Variants in AUTS2 observed in about 807,000 individuals in gnomAD.
The protein encoded by AUTS2 is autism susceptibility gene 2 protein.
AUTS2 carries 17 observed loss-of-function variants against 112.4 expected under a neutral mutation model. The ratio of observed to expected loss-of-function variants is 0.15; its 90% CI spans 0.10 to 0.23. The LOEUF (loss-of-function observed/expected upper bound fraction) is 0.23, where lower values mean the gene tolerates loss of function less well. Ranked by LOEUF, AUTS2 falls within the 10% of genes least tolerant of loss-of-function variation. AUTS2 has a pLI of 1.00. For synonymous variants in AUTS2, 751 were observed against 702.7 expected (o/e 1.07, Z -1.09); for missense variants, 1,510 against 1,701.6 (o/e 0.89, Z 1.98).
chr7:69,794,769 T>C (rs1428681996), intron 1 of AUTS2, among the ~76,000 whole-genome samples: 1 of 152,084 alleles, frequency 6.6e-6, no homozygotes, highest in Non-Finnish European at 1.5e-5. Context: ...ACGGTCAGTG[T>C]TATCAAGGTT....
chr7:69,695,248 G>C (rs566349033), intron 1 of AUTS2, among the ~76,000 whole-genome samples: 2 of 152,068 alleles, frequency 1.3e-5, no homozygotes, highest in African/African-American at 4.8e-5. Flanking sequence ...AGGATAGCTC[G>C]AGCCCCAGAG....
chr7:70,331,136 T>G (rs1359467015), intron 4 of AUTS2, among the ~76,000 whole-genome samples: 1 of 152,136 alleles, frequency 6.6e-6, no homozygotes, highest in Non-Finnish European at 1.5e-5. Context: ...CCAGCTCCTC[T>G]TTGTACCTCT....
intron 14 of AUTS2, among the ~76,000 whole-genome samples, chr7:70,780,995 C>T (rs998980487): frequency 6.6e-6 from 1 of 152,102 alleles, no homozygotes; most frequent in Non-Finnish European, 1.5e-5. Flanking sequence ...CAGCAAAACA[C>T]TGAACTACTT....
chr7:70,760,285 G>C (rs376002499), intron 6 of AUTS2, among the ~76,000 whole-genome samples: 1 of 152,202 alleles, frequency 6.6e-6, no homozygotes, highest in East Asian at 1.9e-4. Context: ...GATTACAGGC[G>C]TGAGCCACCG....
At chr7:70,288,397 G>A (rs891107402) in intron 4 of AUTS2, among the ~76,000 whole-genome samples, 1 of 152,064 alleles carries the variant, frequency 6.6e-6, no homozygotes, top group South Asian at 2.1e-4. Context: ...GCAAGACTCC[G>A]TCTCAAAAAA....
intron 4 of AUTS2, among the ~76,000 whole-genome samples, chr7:70,364,668 A>C (rs1792484813): frequency 6.6e-6 from 1 of 151,980 alleles, no homozygotes; most frequent in Non-Finnish European, 1.5e-5. Flanking sequence ...AATTTAAATA[A>C]ATTTATTAAC....
chr7:70,760,300 C>T (rs1050853496), intron 6 of AUTS2, among the ~76,000 whole-genome samples: 14 of 152,328 alleles, frequency 9.2e-5, no homozygotes, highest in African/African-American at 3.1e-4. Flanking sequence ...CCACCGCACC[C>T]GGCCTACAAA....
At chr7:70,412,982 T>C (rs1030927417) in intron 4 of AUTS2, among the ~76,000 whole-genome samples, 1 of 152,146 alleles carries the variant, frequency 6.6e-6, no homozygotes, top group African/African-American at 2.4e-5. Flanking sequence ...AGAGTGAGAC[T>C]CCATCCCAAA....
intron 2 of AUTS2, among the ~76,000 whole-genome samples, chr7:70,017,616 G>C (rs1166653039): frequency 6.6e-6 from 1 of 152,178 alleles, no homozygotes; most frequent in African/African-American, 2.4e-5. Flanking sequence ...ATCTCCCACA[G>C]GGCCAAGAGG....
chr7:70,606,298 GAGTCCCTA>G (rs1213363796), intron 5 of AUTS2, among the ~76,000 whole-genome samples: 1 of 152,096 alleles, frequency 6.6e-6, no homozygotes, highest in Admixed American at 6.5e-5. Context: ...ACTTAGGACT[GAGTCCCTA>G]ACACTCTAGT....
At chr7:70,416,483 C>G (rs1410403601) in intron 4 of AUTS2, among the ~76,000 whole-genome samples, 1 of 152,146 alleles carries the variant, frequency 6.6e-6, no homozygotes, top group African/African-American at 2.4e-5. Context: ...GCTCAATGCT[C>G]TCTCTCTCCT....
At chr7:70,277,007 G>C (rs943159096) in intron 4 of AUTS2, among the ~76,000 whole-genome samples, 2 of 152,216 alleles carry the variant, frequency 1.3e-5, no homozygotes, top group Non-Finnish European at 2.9e-5. Context: ...TCTTGGAATA[G>C]ACAACCATCC....
intron 1 of AUTS2, among the ~76,000 whole-genome samples, chr7:69,834,350 G>A (rs1791629268): frequency 6.6e-6 from 1 of 152,134 alleles, no homozygotes; most frequent in Admixed American, 6.5e-5. Flanking sequence ...TTGATCTTCT[G>A]TTTTAGATGG....
intron 4 of AUTS2, among the ~76,000 whole-genome samples, chr7:70,243,838 C>T (rs1812758236): frequency 6.6e-6 from 1 of 152,006 alleles, no homozygotes; most frequent in African/African-American, 2.4e-5. Context: ...TATTGATGTG[C>T]TTTGCTTGAA....
At chr7:70,104,530 T>C (rs551098801) in intron 2 of AUTS2, among the ~76,000 whole-genome samples, 12 of 152,224 alleles carry the variant, frequency 7.9e-5, no homozygotes, top group Non-Finnish European at 1.6e-4. Flanking sequence ...GGCAGATGCA[T>C]ATACTGGTAG....
At chr7:70,605,949 A>G (rs952910525) in intron 5 of AUTS2, among the ~76,000 whole-genome samples, 2 of 152,236 alleles carry the variant, frequency 1.3e-5, no homozygotes, top group African/African-American at 4.8e-5. Flanking sequence ...CTAGACAAGA[A>G]GCAAGACAAC....
intron 4 of AUTS2, among the ~76,000 whole-genome samples, chr7:70,229,577 T>C (rs191373664): frequency 1.3e-5 from 2 of 152,298 alleles, no homozygotes; most frequent in African/African-American, 2.4e-5. Flanking sequence ...CTTAGAATTA[T>C]TTGATAATTT....
intron 4 of AUTS2, among the ~76,000 whole-genome samples, chr7:70,226,453 C>T (rs967730399): frequency 4.0e-5 from 6 of 151,250 alleles, no homozygotes. Context: ...GATCCGCCCT[C>T]CTTGGCCTGC....
At chr7:70,221,946 A>G (rs748657144) in intron 4 of AUTS2, among the ~76,000 whole-genome samples, 5 of 152,278 alleles carry the variant, frequency 3.3e-5, no homozygotes, top group Admixed American at 6.5e-5. Context: ...ATCATCATAT[A>G]TTTTGTCTTT....
Sources: gnomAD v4.1 joint callset for allele counts (sites outside exome capture counted in the v4.1 genomes callset) on GRCh38, gnomAD v4.1.1 for gene constraint, MANE v1.5 for transcripts, NCBI Gene and HGNC (gene_info 2026-07-23, HGNC 2026-07-21) for gene names.